GRB14: variants seen among roughly 807,000 people sequenced by gnomAD.
The protein encoded by GRB14 is growth factor receptor-bound protein 14.
In GRB14, 38 loss-of-function variants were observed where a neutral mutation model predicts 69.1. The ratio of observed to expected loss-of-function variants is 0.55; its 90% confidence interval spans 0.42 to 0.72. GRB14 has a LOEUF of 0.72. GRB14 is among the 30% of genes least tolerant of loss of function. The pLI is 0.00. For synonymous variants in GRB14, 247 were observed against 241.3 expected (o/e 1.02, Z -0.22); for missense variants, 666 against 666.1 (o/e 1.00, Z 0.00).
At chr2:164,603,049 G>C (rs1300321928) in intron 2 of GRB14, among the ~76,000 whole-genome samples, 1 of 152,140 alleles carries the variant, frequency 6.6e-6, no homozygotes, top group Non-Finnish European at 1.5e-5. Flanking sequence ...GAAAGGATTA[G>C]AGGCATGATT....
intron 3 of GRB14, among the ~76,000 whole-genome samples, chr2:164,545,303 G>T (rs115943948): frequency 1.1e-3 from 164 of 152,226 alleles, no homozygotes; most frequent in African/African-American, 3.8e-3. Flanking sequence ...CCTAGAACCT[G>T]TGAATGTCAC....
chr2:164,587,354 T>C (rs1689562216), intron 2 of GRB14, among the ~76,000 whole-genome samples: 1 of 152,182 alleles, frequency 6.6e-6, no homozygotes. Flanking sequence ...CAACATCCTT[T>C]ATGTCTCAGG....
chr2:164,547,754 C>A lies in GRB14; in HGVS notation c.387G>T (p.Thr129=). The change falls in exon 3 of 14, where the codon ACG becomes ACT. Residue 129 remains threonine (T), a synonymous_variant. Transcript: ENST00000263915. ...SRALDVPSDI[T]ARDVCQLLIL... is the part of the protein sequence containing the mutation. ...TCAACAGCTGACAAACATCTCGAGC[C>A]GTTATGTCACTGGGTACATCTAAAG... 6.2e-7 allele frequency: 1 copy of A among 1,613,542 alleles called. No homozygotes were observed. Among genetic ancestry groups the A allele is most frequent in the Non-Finnish European group, 8.5e-7 (1 of 1,179,592 alleles).
intron 2 of GRB14, among the ~76,000 whole-genome samples, chr2:164,578,682 G>A (rs1689315910): frequency 6.6e-6 from 1 of 152,148 alleles, no homozygotes; most frequent in African/African-American, 2.4e-5. Flanking sequence ...GCTGGTACAA[G>A]TGTCAAGTGA....
chr2:164,606,080 T>C (rs1690033518), intron 2 of GRB14, among the ~76,000 whole-genome samples: 1 of 152,240 alleles, frequency 6.6e-6, no homozygotes, highest in African/African-American at 2.4e-5. Flanking sequence ...GTGTTTATTT[T>C]AATATAAGAA....
intron 2 of GRB14, among the ~76,000 whole-genome samples, chr2:164,569,306 ATAAC>A (rs1293136225): frequency 1.3e-5 from 2 of 152,222 alleles, no homozygotes; most frequent in Non-Finnish European, 2.9e-5. Context: ...GAAAACATCT[ATAAC>A]TAACAAGAAA....
At chr2:164,616,369 T>G (rs1266499967) in intron 2 of GRB14, among the ~76,000 whole-genome samples, 1 of 130,730 alleles carries the variant, frequency 7.6e-6, no homozygotes, top group East Asian at 2.2e-4. Flanking sequence ...GAGCTTGCAG[T>G]AAGCCGAGAT....
At chr2:164,570,837 C>T (rs1055887793) in intron 2 of GRB14, among the ~76,000 whole-genome samples, 2 of 152,186 alleles carry the variant, frequency 1.3e-5, no homozygotes, top group African/African-American at 4.8e-5. Flanking sequence ...GCAATATATA[C>T]ATGCCCTAAA....
intron 8 of GRB14, among the ~76,000 whole-genome samples, chr2:164,507,090 T>C (rs1205509954): frequency 5.9e-5 from 9 of 152,186 alleles, no homozygotes; most frequent in Non-Finnish European, 1.5e-5. Context: ...TTATATTTTG[T>C]GAATTTTACC....
At chr2:164,517,591 C>G (rs1687525178) in intron 6 of GRB14, among the ~76,000 whole-genome samples, 1 of 152,078 alleles carries the variant, frequency 6.6e-6, no homozygotes, top group Admixed American at 6.6e-5. Context: ...TAAGAATTCA[C>G]CAACCAAGTA....
intron 2 of GRB14, chr2:164,568,424 T>C (rs754573116): frequency 4.9e-5 from 62 of 1,253,194 alleles, no homozygotes; most frequent in Non-Finnish European, 6.3e-5. Flanking sequence ...ATGGACAAAA[T>C]AAAAGAAATC....
chr2:164,546,679 TG>T (rs1688384912), intron 3 of GRB14, among the ~76,000 whole-genome samples: 1 of 152,210 alleles, frequency 6.6e-6, no homozygotes. Flanking sequence ...TACCCCATCT[TG>T]GGTTCCCTGG....
In GRB14 at chr2:164,621,237, G is replaced by C; in HGVS notation, c.73C>G (p.Gln25Glu). 7.9e-7 allele frequency: 1 copy of C among 1,265,642 alleles called. No homozygotes were observed. Among genetic ancestry groups the C allele is most frequent in the Non-Finnish European group, 1.0e-6 (1 of 1,004,028 alleles). 78.4% of individuals were successfully genotyped at this position (1,265,642 alleles called of 1,614,324 possible). A position where few individuals can be genotyped will look rare whatever the true frequency, so the allele number is the denominator to read the frequency against. ...AAARDSPLAA[Q>E]VCGAAQGRGD... The stretch of plus-strand genomic sequence containing the variant: ...CTCCCCTGGGCAGCGCCACACACCT[G>C]GGCGGCCAGCGGCGAATCCCGGGCA... The change falls in exon 1 of 14, where the codon CAG becomes GAG. Residue 25 changes from glutamine to glutamate, a missense_variant. Physicochemically the swap from Gln to Glu is conservative, Grantham distance 29 (BLOSUM62 2). Coordinates refer to ENST00000263915, the MANE Select transcript of GRB14 (RefSeq NM_004490.3). The surrounding 1 kb of genome is among the most constrained non-coding windows in gnomAD (Gnocchi z 6.0).
intron 8 of GRB14, among the ~76,000 whole-genome samples, chr2:164,506,887 C>T (rs1173849329): frequency 6.6e-6 from 1 of 152,166 alleles, no homozygotes. Flanking sequence ...AGGTCACATA[C>T]TGTATGATTC....
intron 12 of GRB14, 45 bp from the exon 13 acceptor site, chr2:164,494,569 G>T: frequency 1.0e-6 from 1 of 979,494 alleles, no homozygotes; most frequent in Non-Finnish European, 1.7e-6. Context: ...TTTACTCATG[G>T]ATTTCATAGA....
chr2:164,596,672 T>A (rs1168483089), intron 2 of GRB14, among the ~76,000 whole-genome samples: 1 of 152,202 alleles, frequency 6.6e-6, no homozygotes, highest in African/African-American at 2.4e-5. Flanking sequence ...AAAATACTGA[T>A]AAATACACAA....
chr2:164,512,809 T>A (rs1687374530), intron 6 of GRB14, among the ~76,000 whole-genome samples: 1 of 152,156 alleles, frequency 6.6e-6, no homozygotes, highest in Admixed American at 6.5e-5. Flanking sequence ...GCTCCATATC[T>A]CCTATCAAGA....
chr2:164,504,185 A>C (rs2105262278), intron 8 of GRB14, among the ~76,000 whole-genome samples: 1 of 152,196 alleles, frequency 6.6e-6, no homozygotes, highest in South Asian at 2.1e-4. Flanking sequence ...CATATATATA[A>C]AAGAAAAGGA....
At chr2:164,501,373 T>G (rs1403055517) in intron 9 of GRB14, among the ~76,000 whole-genome samples, 1 of 152,002 alleles carries the variant, frequency 6.6e-6, no homozygotes, top group African/African-American at 2.4e-5. Context: ...GTCACATACA[T>G]GAAGAGCATA....
Sources: allele counts gnomAD v4.1 joint callset (sites outside exome capture counted in the v4.1 genomes callset), GRCh38; gene constraint gnomAD v4.1.1; non-coding constraint Gnocchi (gnomAD v3.1); transcripts MANE v1.5; gene names NCBI Gene and HGNC (gene_info 2026-07-23, HGNC 2026-07-21).